GET3: variants seen among roughly 807,000 people sequenced by gnomAD.
GET3 encodes the protein ATPase GET3.
In GET3, 15 loss-of-function variants were observed where a neutral mutation model predicts 32.4. The observed-to-expected ratio is 0.46, with a 90% CI of 0.31 to 0.71. GET3 has a LOEUF of 0.71. GET3 is among the 30% of genes least tolerant of loss of function. The pLI is 0.05. For missense variants in GET3, 333 were observed against 459.0 expected (o/e 0.73, Z 2.51); for synonymous variants, 198 against 185.6 (o/e 1.07, Z -0.54).
At chr19:12,737,400 A>G, upstream of GET3, 1 of 1,332,834 alleles carries the variant, frequency 7.5e-7, no homozygotes, top group Non-Finnish European at 9.8e-7. Flanking sequence ...GCAAGTAATG[A>G]GGAAATTAAC....
At chr19:12,744,840 A>G (rs1967739653) in intron 2 of GET3, among the ~76,000 whole-genome samples, 1 of 151,882 alleles carries the variant, frequency 6.6e-6, no homozygotes, top group Non-Finnish European at 1.5e-5. Flanking sequence ...CTGGTGTCCA[A>G]CTCCTGGGCT....
chr19:12,739,214 C>G (rs1404375989), intron 2 of GET3, among the ~76,000 whole-genome samples: 1 of 151,858 alleles, frequency 6.6e-6, no homozygotes, highest in Non-Finnish European at 1.5e-5. Flanking sequence ...GTCTCCCAGG[C>G]TGGAGTGCAG....
chr19:12,741,149 C>T (rs1379922007), intron 2 of GET3, among the ~76,000 whole-genome samples: 1 of 151,788 alleles, frequency 6.6e-6, no homozygotes. Context: ...TGGTGGAACT[C>T]CATCTCTACT....
rs1323976623 is a variant in GET3 at position 12,747,206 on chromosome 19, A to T, written c.619A>T (p.Met207Leu). The T allele has an allele frequency of 2.6e-5, 41 of 1,602,736 alleles. No homozygotes were observed. Among genetic ancestry groups the T allele is most frequent in the Non-Finnish European group, 3.5e-5 (41 of 1,174,650 alleles). ...ISPFISQMCN[M>L]LGLGDMNADQ... ...CACATCCCCCCTGCAGATGTGCAAC[A>T]TGCTGGGCCTGGGGGACATGAACGC... Residue 207 changes from methionine to leucine, a missense_variant, in exon 5 of 7, where the codon ATG becomes TTG. Physicochemically the swap from Met to Leu is conservative, Grantham distance 15. Transcript: ENST00000357332. This position sits in a 1 kb window ranked among gnomAD's most constrained non-coding sequence, Gnocchi z 4.0.
chr19:12,743,726 T>C lies in GET3; in HGVS notation c.310-1651T>C, dbSNP rs1203583531. Among the ~76,000 whole-genome samples, 395 of 93,782 alleles carry C rather than the reference T, an allele frequency of 4.2e-3. 2 individuals are homozygous for C. The highest frequency in any genetic ancestry group is 0.016 in the African/African-American group (377 of 22,948). 61.5% of individuals were successfully genotyped at this position (93,782 alleles called of 152,430 possible). On this transcript the variant is annotated intron_variant, in intron 2 of 6. Transcript: ENST00000357332. ...TGACAGAGCGAGACTCCATCTCTTT[T>C]TTTTTTTTTTTTTTTTTTTTGAGAT...
At position 12,748,050 on chromosome 19, in the gene GET3, CAACA is replaced by C; in HGVS notation, c.994_997del (p.Asn332ProfsTer72). Reference sequence around the variant, plus strand: ...ATGAGGTGCGGGGGGCAGACAAGGTCAACACCTTCTCGGCCCTCCTCCTGGAGCC... The same window carrying C: ...ATGAGGTGCGGGGGGCAGACAAGGTCCCTTCTCGGCCCTCCTCCTGGAGCC... On this transcript the variant is annotated frameshift_variant, in exon 7 of 7. Coordinates refer to ENST00000357332, the MANE Select transcript of GET3 (RefSeq NM_004317.4). LOFTEE classifies it high-confidence loss of function. 1 of 1,612,178 alleles carries C rather than the reference CAACA, an allele frequency of 6.2e-7. No homozygotes were observed. The highest frequency in any genetic ancestry group is 8.5e-7 in the Non-Finnish European group (1 of 1,178,628).
intron 2 of GET3, among the ~76,000 whole-genome samples, chr19:12,742,170 G>A (rs1967682395): frequency 1.3e-5 from 2 of 151,854 alleles, no homozygotes; most frequent in African/African-American, 4.8e-5. Flanking sequence ...GTAGGTTGAG[G>A]CAGGAGGATC....
At chr19:12,737,334 A>G, upstream of GET3, 1 of 985,582 alleles carries the variant, frequency 1.0e-6, no homozygotes, top group Non-Finnish European at 1.4e-6. Context: ...GAGGTTGACA[A>G]AGTGAACCCT....
intron 2 of GET3, among the ~76,000 whole-genome samples, chr19:12,740,591 G>T (rs961376850): frequency 6.6e-6 from 1 of 151,898 alleles, no homozygotes. Flanking sequence ...GCAGGAGAAT[G>T]GCGTGAACGC....
At chr19:12,740,122 C>G (rs1165937517) in intron 2 of GET3, among the ~76,000 whole-genome samples, 1 of 152,006 alleles carries the variant, frequency 6.6e-6, no homozygotes, top group African/African-American at 2.4e-5. Context: ...GTGGCTCACT[C>G]CTGTCATCCC....
chr19:12,745,391 C>T lies in GET3; in HGVS notation c.324C>T (p.Ser108=). 1 of 1,610,842 alleles carries T rather than the reference C, an allele frequency of 6.2e-7. No individual in the cohort carries two copies. The highest frequency in any genetic ancestry group is 8.5e-7 in the Non-Finnish European group (1 of 1,179,966). The change falls in exon 3 of 7, where the codon AGC becomes AGT. Residue 108 remains serine (S), a synonymous_variant. Coordinates refer to ENST00000357332, the MANE Select transcript of GET3 (RefSeq NM_004317.4). The surrounding 1 kb of genome is among the most constrained non-coding windows in gnomAD (Gnocchi z 5.0). The part of the protein sequence containing the change: ...DNLFAMEIDP[S]LGVAELPDEF... ...TTGGCCCCCAGGAGATTGACCCCAGCCTGGGCGTGGCGGAGCTGCCTGACG... is the reference window on the plus strand; with the variant it reads ...TTGGCCCCCAGGAGATTGACCCCAGTCTGGGCGTGGCGGAGCTGCCTGACG...
intron 2 of GET3, among the ~76,000 whole-genome samples, chr19:12,744,070 G>T (rs1287719166): frequency 1.4e-5 from 2 of 144,020 alleles, no homozygotes; most frequent in Non-Finnish European, 3.0e-5. Flanking sequence ...AAAAAAATTA[G>T]CCAGGCATGG....
intron 2 of GET3, among the ~76,000 whole-genome samples, chr19:12,740,703 TAAAG>T (rs1396985904): frequency 6.6e-6 from 1 of 151,866 alleles, no homozygotes; most frequent in Admixed American, 6.6e-5. Flanking sequence ...TAAAATAAAA[TAAAG>T]AGATGCTGCA....
In GET3 at chr19:12,747,021, A is replaced by G. The variant is rs1967784891; in HGVS notation, c.610-176A>G. Among the ~76,000 whole-genome samples the G allele has an allele frequency of 6.6e-6, 1 of 151,886 alleles. No individual in the cohort carries two copies. The highest frequency in any genetic ancestry group is 1.5e-5 in the Non-Finnish European group (1 of 67,946). ...TGAGACTCCATTTCAAAAAAAAAAA[A>G]AAAAGAAAGAAAGAAATGGAAAAGC... On this transcript the variant is annotated intron_variant, in intron 4 of 6. Coordinates refer to ENST00000357332, the MANE Select transcript of GET3 (RefSeq NM_004317.4). This position sits in a 1 kb window ranked among gnomAD's most constrained non-coding sequence, Gnocchi z 4.0.
At chr19:12,740,939 G>A (rs1412568444) in intron 2 of GET3, among the ~76,000 whole-genome samples, 1 of 152,162 alleles carries the variant, frequency 6.6e-6, no homozygotes, top group Non-Finnish European at 1.5e-5. Flanking sequence ...GTTTGAGGAG[G>A]GAGAAAATAC....
chr19:12,745,702 G>A lies in GET3; in HGVS notation c.552G>A (p.Glu184=). ...TGCTCAACTTCCCCACCATCGTGGA[G>A]CGGGGCCTGGGCCGGCTTATGCAGA... ...LRLLNFPTIV[E]RGLGRLMQIK... The change falls in exon 4 of 7, where the codon GAG becomes GAA. Residue 184 remains glutamate (E), a synonymous_variant. Transcript: ENST00000357332. The surrounding 1 kb of genome is among the most constrained non-coding windows in gnomAD (Gnocchi z 5.0). 6.2e-7 allele frequency: 1 copy of A among 1,612,936 alleles called. No homozygotes were observed. The highest frequency in any genetic ancestry group is 8.5e-7 in the Non-Finnish European group (1 of 1,179,980).
chr19:12,741,813 G>A (rs1244316811), intron 2 of GET3, among the ~76,000 whole-genome samples: 2 of 151,990 alleles, frequency 1.3e-5, no homozygotes, highest in Non-Finnish European at 2.9e-5. Flanking sequence ...CCAGATACTC[G>A]GGAGGCTGAG....
intron 2 of GET3, among the ~76,000 whole-genome samples, chr19:12,743,517 G>A (rs1289654235): frequency 6.1e-5 from 9 of 147,852 alleles, no homozygotes; most frequent in South Asian, 2.2e-4. Flanking sequence ...ATGGCCAGGC[G>A]TGATGGCTCG....
rs930973539 is a variant in GET3, at chr19:12,738,542, C to T, written c.193C>T (p.Arg65Cys). The change falls in exon 2 of 7, where the codon CGT (arginine) becomes TGT (cysteine). Residue 65 changes from arginine to cysteine, a missense_variant. By Grantham distance (180) the Arg-to-Cys change is radical. Coordinates refer to ENST00000357332, the MANE Select transcript of GET3 (RefSeq NM_004317.4). ...CCTGGCAGTCCAGCTCTCCAAGGGG[C>T]GTGAGAGTGTTCTGATCATCTCCAC... ...CSLAVQLSKG[R>C]ESVLIISTDP... 4.3e-6 allele frequency: 7 copies of T among 1,613,978 alleles called. No homozygotes were observed. Among genetic ancestry groups the T allele is most frequent in the African/African-American group, 1.3e-5 (1 of 74,910 alleles).
Sources: allele counts gnomAD v4.1 joint callset (sites outside exome capture counted in the v4.1 genomes callset), GRCh38; gene constraint gnomAD v4.1.1; non-coding constraint Gnocchi (gnomAD v3.1); transcripts MANE v1.5; gene names NCBI Gene and HGNC (gene_info 2026-07-23, HGNC 2026-07-21).